The following PCCA variants were observed in gnomAD, a reference collection of about 807,000 sequenced individuals.
PCCA encodes propionyl-CoA carboxylase subunit alpha, also known as propionyl-CoA carboxylase alpha chain, mitochondrial.
In PCCA, 74 loss-of-function variants were observed where a neutral mutation model predicts 101.3. The observed-to-expected ratio is 0.73, with a 90% CI of 0.61 to 0.89. The LOEUF is 0.89. Among genes scored for constraint, PCCA ranks in the 40% least tolerant of loss-of-function variants. The pLI, the probability that PCCA is intolerant of heterozygous loss-of-function variation, is 0.00. For synonymous variants in PCCA, 294 were observed against 313.6 expected, an observed-to-expected ratio of 0.94 and a Z score of 0.66; for missense variants, 891 against 907.0, an observed-to-expected ratio of 0.98 and a Z score of 0.23.
intron 7 of PCCA, among the ~76,000 whole-genome samples, chr13:100,228,788 T>G (rs1038860046): frequency 6.6e-6 from 1 of 150,932 alleles, no homozygotes; most frequent in African/African-American, 2.4e-5. Context: ...TAATCCCAGC[T>G]ACTTGGGAGG....
intron 4 of PCCA, among the ~76,000 whole-genome samples, chr13:100,129,777 C>G (rs972639168): frequency 1.3e-5 from 2 of 152,164 alleles, no homozygotes; most frequent in Non-Finnish European, 2.9e-5. Flanking sequence ...AGGGCAGTTC[C>G]TCTTTGGCCT....
chr13:100,138,749 A>G (rs748679223), intron 4 of PCCA, among the ~76,000 whole-genome samples: 1 of 152,020 alleles, frequency 6.6e-6, no homozygotes, highest in Admixed American at 6.6e-5. Flanking sequence ...CCTGGCCAAG[A>G]TGGTGAAACT....
chr13:100,123,960 T>G (rs770687963), intron 4 of PCCA, among the ~76,000 whole-genome samples: 2 of 152,158 alleles, frequency 1.3e-5, no homozygotes, highest in Non-Finnish European at 2.9e-5. Flanking sequence ...ATGGCTTTAG[T>G]GACTAGGAGT....
At chr13:100,509,035 G>A (rs951637598) in intron 21 of PCCA, among the ~76,000 whole-genome samples, 6 of 152,174 alleles carry the variant, frequency 3.9e-5, no homozygotes, top group Non-Finnish European at 8.8e-5. Flanking sequence ...CAAAAAAGCA[G>A]CTCTGGACTT....
At chr13:100,137,396 A>G (rs2051312199) in intron 4 of PCCA, among the ~76,000 whole-genome samples, 1 of 152,126 alleles carries the variant, frequency 6.6e-6, no homozygotes, top group Non-Finnish European at 1.5e-5. Flanking sequence ...GTTCCTCTAT[A>G]TCCATGCCAA....
At chr13:100,190,194 G>T (rs370219522) in intron 6 of PCCA, among the ~76,000 whole-genome samples, 1 of 152,130 alleles carries the variant, frequency 6.6e-6, no homozygotes, top group African/African-American at 2.4e-5. Flanking sequence ...TGAAGATCAC[G>T]CACGTAATCT....
rs191086342 is a variant in PCCA, at chr13:100,299,601, C to T, written c.1066-1859C>T. Among the ~76,000 whole-genome samples the T allele has an allele frequency of 4.9e-3, 742 of 152,180 alleles. 9 individuals carry two copies. Among genetic ancestry groups the T allele is most frequent in the African/African-American group, 0.012 (494 of 41,512 alleles). On this transcript the variant is annotated intron_variant, in intron 12 of 23. Coordinates refer to ENST00000376285, the MANE Select transcript of PCCA (RefSeq NM_000282.4). ...TGTATATAGTATGTACTTATATGGG[C>T]ACTGGTCATAGAAAGAGGAAACTGA...
chr13:100,094,603 G>C (rs1156848279), intron 1 of PCCA, among the ~76,000 whole-genome samples: 3 of 152,046 alleles, frequency 2.0e-5, no homozygotes, highest in Non-Finnish European at 4.4e-5. Context: ...TTGTTTGTTT[G>C]TTTTTGAGAT....
chr13:100,332,546 G>A (rs1177485040), intron 17 of PCCA, among the ~76,000 whole-genome samples: 1 of 152,072 alleles, frequency 6.6e-6, no homozygotes, highest in Non-Finnish European at 1.5e-5. Flanking sequence ...TTATATATAA[G>A]TTTGTCTATA....
intron 20 of PCCA, 78 bp downstream of exon 20, chr13:100,425,809 G>C: frequency 3.4e-6 from 3 of 885,542 alleles, no homozygotes; most frequent in South Asian, 2.7e-5. Context: ...CTAATACTTA[G>C]AGCTATAGGA....
chr13:100,138,621 GCT>G (rs1470334730), intron 4 of PCCA, among the ~76,000 whole-genome samples: 1 of 152,074 alleles, frequency 6.6e-6, no homozygotes, highest in Non-Finnish European at 1.5e-5. Flanking sequence ...AGCAACTAAT[GCT>G]CTTAGTTTTC....
chr13:100,169,702 A>ATT (rs10659778), intron 6 of PCCA, among the ~76,000 whole-genome samples: 19,734 of 135,256 alleles, frequency 0.15, 1,615 homozygotes, highest in Non-Finnish European at 0.18. Flanking sequence ...TAATTTCTGT[A>ATT]TTTTTTTTTT....
chr13:100,296,854 A>G (rs1388288495), intron 12 of PCCA, among the ~76,000 whole-genome samples: 7 of 152,204 alleles, frequency 4.6e-5, no homozygotes, highest in African/African-American at 1.4e-4. Flanking sequence ...ACTATATTCA[A>G]ATTTCCCCAG....
intron 21 of PCCA, among the ~76,000 whole-genome samples, chr13:100,456,719 T>C (rs1351632477): frequency 6.6e-6 from 1 of 152,166 alleles, no homozygotes; most frequent in Non-Finnish European, 1.5e-5. Context: ...GATCAAAGAC[T>C]TTAAGACTTT....
chr13:100,224,018 G>A (rs929049848), intron 7 of PCCA, among the ~76,000 whole-genome samples: 12 of 152,244 alleles, frequency 7.9e-5, no homozygotes, highest in African/African-American at 2.7e-4. Flanking sequence ...GCTGCAGGTG[G>A]AGCTGCCTGC....
intron 12 of PCCA, among the ~76,000 whole-genome samples, chr13:100,284,921 G>A (rs75030673): frequency 7.9e-5 from 12 of 151,544 alleles, no homozygotes; most frequent in South Asian, 2.1e-4. Flanking sequence ...TTCAATATGT[G>A]GATGATTTAC....
At chr13:100,412,366 G>A (rs1396363863) in intron 19 of PCCA, among the ~76,000 whole-genome samples, 7 of 152,152 alleles carry the variant, frequency 4.6e-5, no homozygotes, top group Non-Finnish European at 1.0e-4. Context: ...TAGCAGCTAG[G>A]GAATCTGGGT....
chr13:100,506,454 G>A (rs1337762971), intron 21 of PCCA, among the ~76,000 whole-genome samples: 1 of 152,128 alleles, frequency 6.6e-6, no homozygotes, highest in Non-Finnish European at 1.5e-5. Context: ...CTACCTCACA[G>A]TATCACAGTC....
At chr13:100,299,230 GT>G (rs1229543072) in intron 12 of PCCA, among the ~76,000 whole-genome samples, 1 of 152,096 alleles carries the variant, frequency 6.6e-6, no homozygotes, top group Non-Finnish European at 1.5e-5. Context: ...TATGACTTAA[GT>G]TTAGAACACA....
Sources: gnomAD v4.1 joint callset for allele counts (sites outside exome capture counted in the v4.1 genomes callset) on GRCh38, gnomAD v4.1.1 for gene constraint, MANE v1.5 for transcripts, NCBI Gene and HGNC (gene_info 2026-07-23, HGNC 2026-07-21) for gene names.